Variants in ATRNL1 observed in about 807,000 individuals in gnomAD.
The protein encoded by ATRNL1 is attractin like 1.
ATRNL1 carries 95 observed loss-of-function variants against 182.7 expected under a neutral mutation model. The ratio of observed to expected loss-of-function variants is 0.52; its 90% CI spans 0.44 to 0.62. ATRNL1 has a LOEUF of 0.62. Ranked by LOEUF, ATRNL1 falls within the 20% of genes least tolerant of loss-of-function variation. The pLI is 0.00. For synonymous variants in ATRNL1, 576 were observed against 568.3 expected (o/e 1.01, Z -0.19); for missense variants, 1,471 against 1,679.5 (o/e 0.88, Z 2.17).
intron 5 of ATRNL1, among the ~76,000 whole-genome samples, chr10:115,158,712 C>A (rs1194778170): frequency 6.6e-6 from 1 of 151,820 alleles, no homozygotes; most frequent in Admixed American, 6.6e-5. Flanking sequence ...AAATCAGACT[C>A]TGCTTGGGAG....
chr10:115,915,145 C>T (rs1555116858), intron 28 of ATRNL1, among the ~76,000 whole-genome samples: 1 of 152,126 alleles, frequency 6.6e-6, no homozygotes, highest in Non-Finnish European at 1.5e-5. Flanking sequence ...CACCTGTAAT[C>T]CCAGCACTTT....
At chr10:115,502,351 T>G (rs1554980280) in intron 24 of ATRNL1, among the ~76,000 whole-genome samples, 1 of 152,110 alleles carries the variant, frequency 6.6e-6, no homozygotes, top group Non-Finnish European at 1.5e-5. Context: ...ATAATTTGAT[T>G]TTGGAAAGTT....
chr10:115,539,651 C>T (rs782005900), intron 25 of ATRNL1, among the ~76,000 whole-genome samples: 53 of 152,124 alleles, frequency 3.5e-4, no homozygotes, highest in Admixed American at 7.2e-4. Flanking sequence ...ACCTCCCTCC[C>T]ATTTTTTCTC....
chr10:115,548,813 C>T (rs1335001081), intron 25 of ATRNL1, among the ~76,000 whole-genome samples: 3 of 152,054 alleles, frequency 2.0e-5, no homozygotes, highest in South Asian at 2.1e-4. Context: ...ATTGCTGATC[C>T]TTTGCTGTTG....
At chr10:115,248,529 G>C (rs1850739585) in intron 10 of ATRNL1, among the ~76,000 whole-genome samples, 1 of 152,046 alleles carries the variant, frequency 6.6e-6, no homozygotes, top group South Asian at 2.1e-4. Flanking sequence ...TAATTTATTA[G>C]TTCAAAACTA....
chr10:115,892,035 G>A (rs1362066873), intron 28 of ATRNL1, among the ~76,000 whole-genome samples: 4 of 152,126 alleles, frequency 2.6e-5, no homozygotes, highest in Non-Finnish European at 5.9e-5. Context: ...ACATATTAAG[G>A]TGAATACGGA....
intron 24 of ATRNL1, 131 bp from the exon 25 acceptor site, chr10:115,519,132 T>C: frequency 1.4e-6 from 1 of 737,414 alleles, no homozygotes; most frequent in Non-Finnish European, 2.2e-6. Context: ...TTCCATCACA[T>C]ATTTGATTTA....
rs192752723 is a variant in ATRNL1, at chr10:115,919,626, A to G, written c.4019-25032A>G. ...TATATATAATTAATATTATGTATAC[A>G]TATATGTATACATATGTACATATGC... is the stretch of plus-strand genomic sequence containing the variant. On this transcript the variant is annotated intron_variant, in intron 28 of 28. Transcript: ENST00000355044. Among the ~76,000 whole-genome samples, 297 of 152,318 alleles carry G rather than the reference A, an allele frequency of 1.9e-3. 4 individuals carry two copies. Among genetic ancestry groups the G allele is most frequent in the Admixed American group, 0.018 (272 of 15,310 alleles).
intron 28 of ATRNL1, among the ~76,000 whole-genome samples, chr10:115,927,540 A>G (rs781384068): frequency 2.4e-4 from 36 of 152,116 alleles, no homozygotes; most frequent in Non-Finnish European, 4.4e-4. Flanking sequence ...TCCAAACACC[A>G]TATAAACATT....
At chr10:115,110,917 A>G (rs1554867809) in intron 1 of ATRNL1, among the ~76,000 whole-genome samples, 5 of 152,166 alleles carry the variant, frequency 3.3e-5, no homozygotes, top group South Asian at 2.1e-4. Flanking sequence ...TTAATGCTCA[A>G]AATGTTTGCC....
chr10:115,718,269 TC>T, intron 26 of ATRNL1, among the ~76,000 whole-genome samples: 1 of 152,214 alleles, frequency 6.6e-6, no homozygotes, highest in East Asian at 1.9e-4. Context: ...TAAAGCACTT[TC>T]CCTCTGCACT....
Position 115,536,247 on chromosome 10 carries a change from G to C in ATRNL1, c.3717-13211G>C, listed in dbSNP as rs578180901. Among the ~76,000 whole-genome samples the C allele has an allele frequency of 2.9e-4, 44 of 152,340 alleles. 1 individual carries two copies. In the South Asian group the frequency reaches 7.9e-3, roughly 27 times the overall value. On this transcript the variant is annotated intron_variant, in intron 25 of 28. Transcript: ENST00000355044. ...TACAGAGACAGGCAGACCTCCTTGA[G>C]CTGTGGTGGGCTCCACCCAGTTCAA...
chr10:115,680,199 C>T (rs1946003540), intron 26 of ATRNL1, among the ~76,000 whole-genome samples: 1 of 152,036 alleles, frequency 6.6e-6, no homozygotes, highest in Non-Finnish European at 1.5e-5. Context: ...GCAAATTAAC[C>T]CTGAAATATC....
In ATRNL1 at chr10:115,168,525, A is replaced by T. The variant is rs139615705; in HGVS notation, c.1093-2512A>T. On this transcript the variant is annotated intron_variant, in intron 7 of 28. Coordinates refer to ENST00000355044, the MANE Select transcript of ATRNL1 (RefSeq NM_207303.4). ...TGCCATCCTAGTGGGTTGAAGTATT[A>T]TCTCATTGTGGTTTTGATTTGTATT... Among the ~76,000 whole-genome samples the T allele has an allele frequency of 6.5e-3, 986 of 152,158 alleles. 10 individuals are homozygous for T. Among genetic ancestry groups the T allele is most frequent in the Non-Finnish European group, 0.011 (717 of 67,976 alleles).
In ATRNL1 at chr10:115,871,469, T is replaced by TTATATATATATATA. The variant is rs1162576615; in HGVS notation, c.4018+23479_4018+23480insATATATATATATAT. ...TCCTAGAAAGGCCTGGTCAGATTCTTTGTGTGTGTGTATATATATATATAT... is the reference window on the plus strand; with the variant it reads ...TCCTAGAAAGGCCTGGTCAGATTCTTTATATATATATATATGTGTGTGTGTATATATATATATAT... On this transcript the variant is annotated intron_variant, in intron 28 of 28. Transcript: ENST00000355044. 1.1e-3 allele frequency among the ~76,000 whole-genome samples: 150 copies of TTATATATATATATA among 140,274 alleles called. 8 individuals carry two copies. The highest frequency in any genetic ancestry group is 3.5e-3 in the African/African-American group (134 of 37,812). The allele number at this position is 140,274 out of a possible 152,430, so 92.0% of individuals were successfully genotyped here.
At chr10:115,114,954 A>G (rs996311985) in intron 1 of ATRNL1, among the ~76,000 whole-genome samples, 12 of 152,156 alleles carry the variant, frequency 7.9e-5, no homozygotes, top group Non-Finnish European at 1.5e-4. Context: ...AGCATTGTTC[A>G]TAATAGCCAA....
At chr10:115,178,453 T>A (rs1401307555) in intron 8 of ATRNL1, among the ~76,000 whole-genome samples, 1 of 152,310 alleles carries the variant, frequency 6.6e-6, no homozygotes, top group East Asian at 1.9e-4. Flanking sequence ...TCCACAGCTT[T>A]ATTTACTGCA....
intron 24 of ATRNL1, among the ~76,000 whole-genome samples, chr10:115,492,657 T>A (rs1392347148): frequency 7.5e-5 from 11 of 147,046 alleles, no homozygotes; most frequent in African/African-American, 2.7e-4. Context: ...TTTTTTTTTT[T>A]TTTTGAGATG....
intron 5 of ATRNL1, among the ~76,000 whole-genome samples, chr10:115,140,858 C>T (rs781832242): frequency 1.2e-4 from 18 of 152,046 alleles, no homozygotes; most frequent in Non-Finnish European, 1.6e-4. Flanking sequence ...TATTTAAAGT[C>T]ACACTTTATT....
Sources: gnomAD v4.1 joint callset for allele counts (sites outside exome capture counted in the v4.1 genomes callset) on GRCh38, gnomAD v4.1.1 for gene constraint, MANE v1.5 for transcripts, NCBI Gene and HGNC (gene_info 2026-07-23, HGNC 2026-07-21) for gene names.